The following CUBN variants were observed in gnomAD, a reference collection of about 807,000 sequenced individuals.
CUBN encodes the protein cubilin.
In CUBN, 282 loss-of-function variants were observed where a neutral mutation model predicts 405.3. That is an observed-to-expected ratio of 0.70 (90% confidence interval 0.63 to 0.77). The LOEUF is 0.77. Among genes scored for constraint, CUBN ranks in the 30% least tolerant of loss-of-function variants. CUBN has a pLI of 0.00. For synonymous variants in CUBN, 1,684 were observed against 1,617.0 expected, an observed-to-expected ratio of 1.04 and a Z score of -0.99; for missense variants, 4,514 against 4,475.2, an observed-to-expected ratio of 1.01 and a Z score of -0.25.
intron 59 of CUBN, among the ~76,000 whole-genome samples, chr10:16,864,948 C>CT (rs35045969): frequency 0.011 from 529 of 50,056 alleles, 59 homozygotes; most frequent in Non-Finnish European, 0.014. Flanking sequence ...CCATGCCCAG[C>CT]TTTTTTTTTT....
chr10:16,916,849 C>T (rs1841898895), intron 45 of CUBN, among the ~76,000 whole-genome samples: 1 of 144,270 alleles, frequency 6.9e-6, no homozygotes, highest in Non-Finnish European at 1.5e-5. Context: ...GAGTCTTGCT[C>T]TGTCACCCAG....
chr10:16,924,541 T>C (rs1339251781), intron 43 of CUBN, among the ~76,000 whole-genome samples: 4 of 152,124 alleles, frequency 2.6e-5, no homozygotes, highest in Admixed American at 2.0e-4. Context: ...ATTCAAGTCA[T>C]AGGATCATTT....
intron 59 of CUBN, among the ~76,000 whole-genome samples, chr10:16,860,451 T>C (rs978082389): frequency 1.3e-5 from 2 of 152,192 alleles, no homozygotes; most frequent in Non-Finnish European, 2.9e-5. Flanking sequence ...TAATTATAAA[T>C]GTACATGTGC....
rs538430761 is a variant in CUBN, at chr10:16,903,977, T to C, written c.8051A>G (p.Tyr2684Cys). 37 of 1,608,754 alleles carry C rather than the reference T, an allele frequency of 2.3e-5. 1 individual carries two copies. In the South Asian group the frequency reaches 4.0e-4, roughly 17 times the overall value. Residue 2684 changes from tyrosine to cysteine, a missense_variant, in exon 51 of 67, where the codon TAT (tyrosine) becomes TGT (cysteine). Physicochemically the swap from Tyr to Cys is radical, Grantham distance 194 (BLOSUM62 -2). Coordinates refer to ENST00000377833, the MANE Select transcript of CUBN (RefSeq NM_001081.4). ...ATTATAATTCTTACCTGTAAAGGAA[T>C]ACTTTGCATGGAATCCAATGTGTTC... The part of the protein sequence containing the change: ...RVEHIGFHAK[Y>C]SFTDCGGIQI...
rs372624368 is a variant in CUBN, at chr10:17,068,116, T to A, written c.2956A>T (p.Thr986Ser). The change falls in exon 21 of 67, where the codon ACA becomes TCA. Residue 986 changes from threonine (T) to serine (S), a missense_variant. Around this residue, in one of 5 missense-constraint regions of CUBN, gnomAD observed 1,448 missense variants for 1,388.0 expected, o/e 1.04. Coordinates refer to ENST00000377833, the MANE Select transcript of CUBN (RefSeq NM_001081.4). ...TFHLEFHYNC[T>S]NDYLEVYDTD... ...TCATAAACTTCCAAGTAGTCGTTTGTGCAATTGTAATGAAACTCCAGATGA... is the reference window on the plus strand; with the variant it reads ...TCATAAACTTCCAAGTAGTCGTTTGAGCAATTGTAATGAAACTCCAGATGA... The A allele has an allele frequency of 5.6e-6, 9 of 1,613,516 alleles. No individual in the cohort carries two copies. The African/African-American group carries it at 1.1e-4, about 19-fold the overall frequency.
Position 17,088,277 on chromosome 10 carries a change from G to T in CUBN, c.1834C>A (p.Pro612Thr). Residue 612 changes from proline (P) to threonine (T), a missense_variant, in exon 15 of 67, where the codon CCA (proline) becomes ACA (threonine). Physicochemically the swap from Pro to Thr is conservative, Grantham distance 38 (BLOSUM62 -1). Around this residue, in one of 5 missense-constraint regions of CUBN, gnomAD observed 1,448 missense variants for 1,388.0 expected, o/e 1.04. Transcript: ENST00000377833. ...KSPGYPGNYP[P>T]GRDCVWIVVT... The stretch of plus-strand genomic sequence containing the variant: ...ACAATCCAGACACAATCTCTTCCTG[G>T]GGGATAGTTTCCAGGATACCCCGGA... 6.2e-7 allele frequency: 1 copy of T among 1,613,646 alleles called. No homozygotes were observed. The highest frequency in any genetic ancestry group is 8.5e-7 in the Non-Finnish European group (1 of 1,179,636).
Position 17,041,194 on chromosome 10 carries a change from G to C in CUBN, c.3856C>G (p.Gln1286Glu), listed in dbSNP as rs140636441. 8.1e-6 allele frequency: 13 copies of C among 1,613,472 alleles called. No individual in the cohort carries two copies. The African/African-American group carries it at 1.5e-4, about 18-fold the overall frequency. The part of the protein sequence containing the change: ...QTCENVVIVN[Q>E]TYGILESIGY... The stretch of plus-strand genomic sequence containing the variant: ...ATACTCTCTAAGATGCCATAGGTTT[G>C]ATTGACTATTACCACATTCTCACAT... The change falls in exon 27 of 67, where the codon CAA becomes GAA. Residue 1286 changes from glutamine (Q) to glutamate (E), a missense_variant. Gln to Glu is a conservative substitution (Grantham distance 29, BLOSUM62 2). Transcript: ENST00000377833.
intron 28 of CUBN, among the ~76,000 whole-genome samples, chr10:16,991,381 ATACT>A (rs1165543025): frequency 6.3e-5 from 9 of 141,828 alleles, no homozygotes; most frequent in African/African-American, 2.3e-4. Flanking sequence ...TGATGCTAGG[ATACT>A]AACTGAGGTG....
At chr10:17,083,219 A>G (rs976251597) in intron 17 of CUBN, among the ~76,000 whole-genome samples, 1 of 152,088 alleles carries the variant, frequency 6.6e-6, no homozygotes, top group African/African-American at 2.4e-5. Context: ...ATTAAAAAAA[A>G]TGCAGGCCGG....
intron 54 of CUBN, among the ~76,000 whole-genome samples, chr10:16,896,605 A>G (rs1482422210): frequency 2.0e-5 from 3 of 152,226 alleles, no homozygotes; most frequent in Non-Finnish European, 4.4e-5. Context: ...GTTTGCCTTC[A>G]GTGTTCAGAA....
At chr10:16,828,084 T>C (rs569714312) in intron 66 of CUBN, among the ~76,000 whole-genome samples, 1 of 152,286 alleles carries the variant, frequency 6.6e-6, no homozygotes, top group African/African-American at 2.4e-5. Flanking sequence ...GAGCCACGTG[T>C]CCAAATTTTC....
chr10:17,088,192 T>C lies in CUBN; in HGVS notation c.1919A>G (p.His640Arg). The stretch of plus-strand genomic sequence containing the variant: ...AAGGTAATCTTTGTTGCAGTCATCA[T>C]GGTGCTCGAGGCTCAAGGTCCCAAA... ...FTFGTLSLEH[H>R]DDCNKDYLEI... The change falls in exon 15 of 67, where the codon CAT becomes CGT. Residue 640 changes from histidine to arginine, a missense_variant. By Grantham distance (29) the His-to-Arg change is conservative. Transcript: ENST00000377833. 2 of 1,613,682 alleles carry C rather than the reference T, an allele frequency of 1.2e-6. No homozygotes were observed. The highest frequency in any genetic ancestry group is 1.7e-6 in the Non-Finnish European group (2 of 1,179,614).
At chr10:17,089,347 G>C (rs1836199254) in intron 14 of CUBN, among the ~76,000 whole-genome samples, 1 of 152,024 alleles carries the variant, frequency 6.6e-6, no homozygotes. Context: ...AATAGCATAA[G>C]CAAAGGAAAA....
At chr10:17,037,126 G>C (rs1834920191) in intron 27 of CUBN, among the ~76,000 whole-genome samples, 1 of 152,154 alleles carries the variant, frequency 6.6e-6, no homozygotes, top group South Asian at 2.1e-4. Context: ...TTACCTAGTA[G>C]TTTGAATAGT....
chr10:17,044,864 T>G, intron 25 of CUBN, 143 bp downstream of exon 25: 1 of 866,204 alleles, frequency 1.2e-6, no homozygotes, highest in Non-Finnish European at 1.9e-6. Context: ...CAAATTTCTT[T>G]TATGTTTTTA....
At chr10:17,062,657 C>A (rs1383752746) in intron 22 of CUBN, among the ~76,000 whole-genome samples, 1 of 152,132 alleles carries the variant, frequency 6.6e-6, no homozygotes, top group East Asian at 1.9e-4. Context: ...TTTTTTCTCC[C>A]AAACACATAT....
intron 8 of CUBN, among the ~76,000 whole-genome samples, chr10:17,111,577 C>T (rs1836772667): frequency 6.6e-6 from 1 of 152,162 alleles, no homozygotes; most frequent in African/African-American, 2.4e-5. Flanking sequence ...CACCTGTATA[C>T]CTACATTTGC....
rs1448849893 is a variant in CUBN at position 16,925,739 on chromosome 10, T to C, written c.6307A>G (p.Ile2103Val). ...GGYLHADRGIITSPKYPETYP... is the reference protein window; with the variant it reads ...GGYLHADRGIVTSPKYPETYP... ...GTCTCTGGATACTTGGGGGACGTGA[T>C]GATCCCTCTGTCTGCATGCAAATAT... is the stretch of plus-strand genomic sequence containing the variant. The change falls in exon 42 of 67, where the codon ATC becomes GTC. Residue 2103 changes from isoleucine to valine, a missense_variant. By Grantham distance (29) the Ile-to-Val change is conservative (BLOSUM62 3). Transcript: ENST00000377833. 6.2e-7 allele frequency: 1 copy of C among 1,614,024 alleles called. No homozygotes were observed. Among genetic ancestry groups the C allele is most frequent in the Non-Finnish European group, 8.5e-7 (1 of 1,179,942 alleles).
chr10:17,011,304 T>C (rs1834173074), intron 28 of CUBN, among the ~76,000 whole-genome samples: 1 of 152,178 alleles, frequency 6.6e-6, no homozygotes. Context: ...CAGAGTTTGT[T>C]CAGATGTTCA....
Sources: allele counts gnomAD v4.1 joint callset (sites outside exome capture counted in the v4.1 genomes callset), GRCh38; gene constraint gnomAD v4.1.1; regional missense constraint gnomAD v4.1.1; transcripts MANE v1.5; gene names NCBI Gene and HGNC (gene_info 2026-07-23, HGNC 2026-07-21).